Variants in H4C7 observed in about 807,000 individuals in gnomAD.
The protein encoded by H4C7 is histone H4-like protein type G.
A neutral mutation model predicts 5.2 loss-of-function variants in H4C7; 7 were observed. The observed-to-expected ratio is 1.34, with a 90% CI of 0.76 to 2.52. The LOEUF (loss-of-function observed/expected upper bound fraction) is 2.52. Ranked by LOEUF, H4C7 falls within the 30% of genes most tolerant of loss-of-function variation. The pLI is 0.00. For synonymous variants in H4C7, 69 were observed against 57.5 expected (o/e 1.20, Z -0.90); for missense variants, 148 against 138.4 (o/e 1.07, Z -0.35).
At position 26,246,919 on chromosome 6, in the gene H4C7, C is replaced by A. The variant is rs1759971136; in HGVS notation, c.59G>T (p.Arg20Leu). The change falls in exon 1 of 1, where the codon CGC (arginine) becomes CTC (leucine). Residue 20 changes from arginine (R) to leucine (L), a missense_variant. Arg to Leu is a moderately radical substitution (Grantham distance 102). Transcript: ENST00000611444. ...GLGKGGAKCH[R>L]KVLSDNIQGI... ...CTGAATATTATCGCTCAGTACCTTG[C>A]GATGGCACTTGGCACCGCCTTTCCC... The A allele has an allele frequency of 6.2e-7, 1 of 1,608,260 alleles. No individual in the cohort carries two copies. The highest frequency in any genetic ancestry group is 8.5e-7 in the Non-Finnish European group (1 of 1,174,992).
Position 26,246,623 on chromosome 6 carries a change from A to T in H4C7, c.*58T>A. The T allele has an allele frequency of 6.8e-7, 1 of 1,480,942 alleles. No homozygotes were observed. The highest frequency in any genetic ancestry group is 1.3e-5 in the South Asian group (1 of 75,170). The allele number at this position is 1,480,942 out of a possible 1,614,324, so 91.7% of individuals were successfully genotyped here. On this transcript the variant is annotated 3_prime_UTR_variant, in exon 1 of 1. Coordinates refer to ENST00000611444, the MANE Select transcript of H4C7 (RefSeq NM_003547.3). Reference sequence around the variant, plus strand: ...TCGGAAGAAAACGTACGCGGCCCTGAAAAGGGCCATTAACGATATTGCAAG... The same window carrying T: ...TCGGAAGAAAACGTACGCGGCCCTGTAAAGGGCCATTAACGATATTGCAAG...
chr6:26,246,822 A>C lies in H4C7; in HGVS notation c.156T>G (p.Tyr52Ter). Residue 52 changes from tyrosine to a stop codon, truncating the protein, a stop_gained, in exon 1 of 1, where the codon TAT becomes TAG. Transcript: ENST00000611444. LOFTEE classifies it high-confidence loss of function. ...GGVKRILGLIYEETRRVFKVF... is the reference protein window; with the variant it reads ...GGVKRILGLI ...CCTTGAACACCCGGCGGGTCTCCTCATAAATGAGGCCCAAGATGCGCTTGA... is the reference window on the plus strand; with the variant it reads ...CCTTGAACACCCGGCGGGTCTCCTCCTAAATGAGGCCCAAGATGCGCTTGA... The C allele has an allele frequency of 3.1e-6, 5 of 1,614,190 alleles. 1 individual carries two copies. The Middle Eastern group carries it at 8.2e-4, about 266-fold the overall frequency.
Position 26,246,742 on chromosome 6 carries a change from C to A in H4C7, c.236G>T (p.Arg79Leu). 1 of 1,613,138 alleles carries A rather than the reference C, an allele frequency of 6.2e-7. No homozygotes were observed. The highest frequency in any genetic ancestry group is 1.1e-5 in the South Asian group (1 of 91,068). The change falls in exon 1 of 1, where the codon CGC (arginine) becomes CTC (leucine). Residue 79 changes from arginine (R) to leucine (L), a missense_variant. Arg to Leu is a moderately radical substitution (Grantham distance 102, BLOSUM62 -2). Transcript: ENST00000611444. ...YAVTNTEHAKRKTVTAMAVVY... is the reference protein window; with the variant it reads ...YAVTNTEHAKLKTVTAMAVVY... ...CACGGCCATGGCGGTGACCGTCTTG[C>A]GCTTGGCGTGCTCCGTGTTGGTCAC...
rs776289806 is a variant in H4C7 at position 26,246,947 on chromosome 6, G to A, written c.31C>T (p.Leu11Phe). The A allele has an allele frequency of 1.9e-6, 3 of 1,600,550 alleles. No homozygotes were observed. Among genetic ancestry groups the A allele is most frequent in the East Asian group, 2.3e-5 (1 of 44,444 alleles). Residue 11 changes from leucine to phenylalanine, a missense_variant, in exon 1 of 1, where the codon CTT becomes TTT. By Grantham distance (22) the Leu-to-Phe change is conservative (BLOSUM62 0). Transcript: ENST00000611444. Reference sequence around the variant, plus strand: ...TGGCACTTGGCACCGCCTTTCCCAAGGCCTTTTCCGGCCTTGCCCCGAACA... The same window carrying A: ...TGGCACTTGGCACCGCCTTTCCCAAAGCCTTTTCCGGCCTTGCCCCGAACA... MSVRGKAGKG[L>F]GKGGAKCHRK...
At position 26,246,972 on chromosome 6, in the gene H4C7, A is replaced by T. The variant is rs1448445577; in HGVS notation, c.6T>A (p.Ser2=). 1.3e-6 allele frequency: 2 copies of T among 1,587,168 alleles called. No individual in the cohort carries two copies. Among genetic ancestry groups the T allele is most frequent in the African/African-American group, 2.7e-5 (2 of 74,118 alleles). The change falls in exon 1 of 1, where the codon TCT becomes TCA. Residue 2 remains serine (S), a synonymous_variant. Coordinates refer to ENST00000611444, the MANE Select transcript of H4C7 (RefSeq NM_003547.3). Reference sequence around the variant, plus strand: ...GGCCTTTTCCGGCCTTGCCCCGAACAGACATGATAAACAAGTCAGAACTAT... The same window carrying T: ...GGCCTTTTCCGGCCTTGCCCCGAACTGACATGATAAACAAGTCAGAACTAT... The part of the protein sequence containing the change: M[S]VRGKAGKGLG...
At position 26,246,886 on chromosome 6, in the gene H4C7, GT is replaced by G. The variant is rs1759970194; in HGVS notation, c.91del (p.Thr31ProfsTer36). Reference protein sequence around the residue: ...KVLSDNIQGITKCTIRRLARH... With the variant: ...KVLSDNIQGIXKCTIRRLARH... The stretch of plus-strand genomic sequence containing the variant: ...GGCCAAGCGCCGGATAGTGCACTTG[GT>G]AATGCCCTGAATATTATCGCTCAGT... On this transcript the variant is annotated frameshift_variant, in exon 1 of 1. Coordinates refer to ENST00000611444, the MANE Select transcript of H4C7 (RefSeq NM_003547.3). LOFTEE classifies it high-confidence loss of function. 3.1e-6 allele frequency: 5 copies of G among 1,614,186 alleles called. No homozygotes were observed. Among genetic ancestry groups the G allele is most frequent in the Non-Finnish European group, 3.4e-6 (4 of 1,180,032 alleles).
At position 26,246,678 on chromosome 6, in the gene H4C7, GCCTTACAGGGTTCTTC is replaced by G; in HGVS notation, c.284_*2del. On this transcript the variant is annotated stop_lost and 3_prime_UTR_variant, in exon 1 of 1. Transcript: ENST00000611444. ...GGCCTGGCCTCACTTAACCGCCAAA[GCCTTACAGGGTTCTTC>G]CCTGGCGTTTGAGCACGTAGACCAC... 6.3e-7 allele frequency: 1 copy of G among 1,581,218 alleles called. No individual in the cohort carries two copies.
At position 26,246,860 on chromosome 6, in the gene H4C7, G is replaced by T. The variant is rs775915061; in HGVS notation, c.118C>A (p.Arg40=). 47 of 1,614,008 alleles carry T rather than the reference G, an allele frequency of 2.9e-5. No homozygotes were observed. Among genetic ancestry groups the T allele is most frequent in the Non-Finnish European group, 3.7e-5 (44 of 1,180,022 alleles). The change falls in exon 1 of 1, where the codon CGG becomes AGG. Residue 40 remains arginine (R), a synonymous_variant. Transcript: ENST00000611444. ...AAGATGCGCTTGACACCGCCATGCC[G>T]GGCCAAGCGCCGGATAGTGCACTTG... The part of the protein sequence containing the change: ...ITKCTIRRLA[R]HGGVKRILGL...
rs187504064 is a variant in H4C7, at chr6:26,246,840, G to A, written c.138C>T (p.Arg46=). The A allele has an allele frequency of 3.7e-6, 6 of 1,614,180 alleles. No homozygotes were observed. Among genetic ancestry groups the A allele is most frequent in the East Asian group, 2.2e-5 (1 of 44,860 alleles). The part of the protein sequence containing the change: ...RRLARHGGVK[R]ILGLIYEETR... ...TCTCCTCATAAATGAGGCCCAAGAT[G>A]CGCTTGACACCGCCATGCCGGGCCA... is the stretch of plus-strand genomic sequence containing the variant. The change falls in exon 1 of 1, where the codon CGC becomes CGT. Residue 46 remains arginine, a synonymous_variant. Transcript: ENST00000611444.
chr6:26,246,815 T>C lies in H4C7; in HGVS notation c.163A>G (p.Thr55Ala). Residue 55 changes from threonine to alanine, a missense_variant, in exon 1 of 1, where the codon ACC (threonine) becomes GCC (alanine). Thr to Ala is a moderately conservative substitution (Grantham distance 58, BLOSUM62 0). Coordinates refer to ENST00000611444, the MANE Select transcript of H4C7 (RefSeq NM_003547.3). ...KRILGLIYEETRRVFKVFLEN... is the reference protein window; with the variant it reads ...KRILGLIYEEARRVFKVFLEN... Reference sequence around the variant, plus strand: ...AGGAACACCTTGAACACCCGGCGGGTCTCCTCATAAATGAGGCCCAAGATG... The same window carrying C: ...AGGAACACCTTGAACACCCGGCGGGCCTCCTCATAAATGAGGCCCAAGATG... The C allele has an allele frequency of 6.2e-7, 1 of 1,614,012 alleles. No individual in the cohort carries two copies. Among genetic ancestry groups the C allele is most frequent in the Non-Finnish European group, 8.5e-7 (1 of 1,179,994 alleles).
rs965280573 is a variant in H4C7, at chr6:26,246,726, G to A, written c.252C>T (p.Ala84=). ...GTTTGAGCACGTAGACCACGGCCATGGCGGTGACCGTCTTGCGCTTGGCGT... is the reference window on the plus strand; with the variant it reads ...GTTTGAGCACGTAGACCACGGCCATAGCGGTGACCGTCTTGCGCTTGGCGT... ...TEHAKRKTVT[A]MAVVYVLKRQ... The change falls in exon 1 of 1, where the codon GCC becomes GCT. Residue 84 remains alanine, a synonymous_variant. Coordinates refer to ENST00000611444, the MANE Select transcript of H4C7 (RefSeq NM_003547.3). 24 of 1,609,752 alleles carry A rather than the reference G, an allele frequency of 1.5e-5. No homozygotes were observed. The Middle Eastern group carries it at 8.2e-4, about 55-fold the overall frequency.
Position 26,246,777 on chromosome 6 carries a change from G to T in H4C7, c.201C>A (p.Ile67=). ...RVFKVFLENV[I]WYAVTNTEHA... ...GCTCCGTGTTGGTCACGGCGTACCA[G>T]ATCACATTTTCCAGGAACACCTTGA... Residue 67 remains isoleucine (I), a synonymous_variant, in exon 1 of 1, where the codon ATC becomes ATA. Transcript: ENST00000611444. 1 of 1,614,164 alleles carries T rather than the reference G, an allele frequency of 6.2e-7. No individual in the cohort carries two copies. Among genetic ancestry groups the T allele is most frequent in the South Asian group, 1.1e-5 (1 of 91,084 alleles).
At position 26,246,808 on chromosome 6, in the gene H4C7, C is replaced by A. The variant is rs1488835344; in HGVS notation, c.170G>T (p.Arg57Leu). 3 of 1,614,028 alleles carry A rather than the reference C, an allele frequency of 1.9e-6. No individual in the cohort carries two copies. In the African/African-American group the frequency reaches 4.0e-5, roughly 22 times the overall value. The change falls in exon 1 of 1, where the codon CGG becomes CTG. Residue 57 changes from arginine (R) to leucine (L), a missense_variant. Coordinates refer to ENST00000611444, the MANE Select transcript of H4C7 (RefSeq NM_003547.3). ...ATTTTCCAGGAACACCTTGAACACC[C>A]GGCGGGTCTCCTCATAAATGAGGCC... The part of the protein sequence containing the change: ...ILGLIYEETR[R>L]VFKVFLENVI...
In H4C7 at chr6:26,246,966, C is replaced by T. The variant is rs1759972173; in HGVS notation, c.12G>A (p.Arg4=). Residue 4 remains arginine, a synonymous_variant, in exon 1 of 1, where the codon CGG becomes CGA. Transcript: ENST00000611444. ...TCCCAAGGCCTTTTCCGGCCTTGCC[C>T]CGAACAGACATGATAAACAAGTCAG... MSV[R]GKAGKGLGKG... The T allele has an allele frequency of 6.3e-7, 1 of 1,595,248 alleles. No individual in the cohort carries two copies. The highest frequency in any genetic ancestry group is 1.1e-5 in the South Asian group (1 of 90,446).
rs377589360 is a variant in H4C7 at position 26,246,783 on chromosome 6, A to G, written c.195T>C (p.Asn65=). ...TRRVFKVFLE[N]VIWYAVTNTE... ...TGTTGGTCACGGCGTACCAGATCAC[A>G]TTTTCCAGGAACACCTTGAACACCC... The change falls in exon 1 of 1, where the codon AAT becomes AAC. Residue 65 remains asparagine, a synonymous_variant. Transcript: ENST00000611444. 8.1e-6 allele frequency: 13 copies of G among 1,613,950 alleles called. No individual in the cohort carries two copies. The highest frequency in any genetic ancestry group is 1.0e-5 in the Non-Finnish European group (12 of 1,180,014).
chr6:26,246,892 C>A lies in H4C7; in HGVS notation c.86G>T (p.Gly29Val), dbSNP rs1759970288. 6.2e-7 allele frequency: 1 copy of A among 1,614,196 alleles called. No individual in the cohort carries two copies. The highest frequency in any genetic ancestry group is 8.5e-7 in the Non-Finnish European group (1 of 1,180,016). Residue 29 changes from glycine to valine, a missense_variant, in exon 1 of 1, where the codon GGC becomes GTC. By Grantham distance (109) the Gly-to-Val change is moderately radical. Transcript: ENST00000611444. ...GCGCCGGATAGTGCACTTGGTAATG[C>A]CCTGAATATTATCGCTCAGTACCTT... ...HRKVLSDNIQ[G>V]ITKCTIRRLA...
At position 26,246,657 on chromosome 6, in the gene H4C7, T is replaced by C. The variant is rs186014020; in HGVS notation, c.*24A>G. The C allele has an allele frequency of 1.3e-6, 2 of 1,550,326 alleles. No individual in the cohort carries two copies. ...ATTAACGATATTGCAAGGAAAGGCC[T>C]GGCCTCACTTAACCGCCAAAGCCTT... is the stretch of plus-strand genomic sequence containing the variant. On this transcript the variant is annotated 3_prime_UTR_variant, in exon 1 of 1. Coordinates refer to ENST00000611444, the MANE Select transcript of H4C7 (RefSeq NM_003547.3).
At position 26,246,719 on chromosome 6, in the gene H4C7, C is replaced by CGGCCA; in HGVS notation, c.254_258dup (p.Val87TrpfsTer21). 2.5e-6 allele frequency: 4 copies of CGGCCA among 1,606,664 alleles called. No individual in the cohort carries two copies. The highest frequency in any genetic ancestry group is 3.4e-6 in the Non-Finnish European group (4 of 1,173,920). ...CCCTGGCGTTTGAGCACGTAGACCA[C>CGGCCA]GGCCATGGCGGTGACCGTCTTGCGC... On this transcript the variant is annotated frameshift_variant, in exon 1 of 1. Transcript: ENST00000611444. LOFTEE classifies it high-confidence loss of function.
At position 26,246,964 on chromosome 6, in the gene H4C7, C is replaced by T; in HGVS notation, c.14G>A (p.Gly5Asp). 5.6e-6 allele frequency: 9 copies of T among 1,596,140 alleles called. No individual in the cohort carries two copies. Among genetic ancestry groups the T allele is most frequent in the Non-Finnish European group, 7.7e-6 (9 of 1,166,200 alleles). The part of the protein sequence containing the change: MSVR[G>D]KAGKGLGKGG... ...TTTCCCAAGGCCTTTTCCGGCCTTGCCCCGAACAGACATGATAAACAAGTC... is the reference window on the plus strand; with the variant it reads ...TTTCCCAAGGCCTTTTCCGGCCTTGTCCCGAACAGACATGATAAACAAGTC... The change falls in exon 1 of 1, where the codon GGC becomes GAC. Residue 5 changes from glycine to aspartate, a missense_variant. Transcript: ENST00000611444.
Sources: allele counts gnomAD v4.1 joint callset, GRCh38; gene constraint gnomAD v4.1.1; transcripts MANE v1.5; gene names NCBI Gene and HGNC (gene_info 2026-07-23, HGNC 2026-07-21).